The following ZFPM1 variants were observed in gnomAD, a reference collection of about 807,000 sequenced individuals.
ZFPM1 encodes the protein zinc finger protein ZFPM1.
ZFPM1 carries 28 observed loss-of-function variants against 46.3 expected under a neutral mutation model. The observed-to-expected ratio is 0.60, with a 90% CI of 0.45 to 0.83. The LOEUF (loss-of-function observed/expected upper bound fraction) is 0.83. ZFPM1 is among the 40% of genes least tolerant of loss of function. ZFPM1 has a pLI of 0.00. For synonymous variants in ZFPM1, 957 were observed against 675.9 expected (o/e 1.42, Z -6.45); for missense variants, 1,878 against 1,432.4 (o/e 1.31, Z -5.02).
At chr16:88,486,221 G>A (rs902492844) in intron 2 of ZFPM1, among the ~76,000 whole-genome samples, 178 bp downstream of exon 2, 8 of 152,216 alleles carry the variant, frequency 5.3e-5, no homozygotes, top group African/African-American at 1.2e-4. Context: ...GGGGCTGGGG[G>A]GTCTCCAGGA....
chr16:88,493,329 G>T (rs1329144268), intron 3 of ZFPM1, among the ~76,000 whole-genome samples: 1 of 144,060 alleles, frequency 6.9e-6, no homozygotes, highest in Non-Finnish European at 1.5e-5. Flanking sequence ...GTGGGAAATT[G>T]TCCCGGGGTG....
chr16:88,482,517 T>C (rs1050173712), intron 1 of ZFPM1, among the ~76,000 whole-genome samples: 1 of 152,110 alleles, frequency 6.6e-6, no homozygotes, highest in East Asian at 1.9e-4. Flanking sequence ...CTTGTGTAAA[T>C]AGGAGAACCC....
chr16:88,487,364 C>A (rs1230274830), intron 2 of ZFPM1, among the ~76,000 whole-genome samples: 1 of 152,220 alleles, frequency 6.6e-6, no homozygotes, highest in Non-Finnish European at 1.5e-5. Flanking sequence ...CTGTGAATTA[C>A]CCCCACTCCA....
rs968776163 is a variant in ZFPM1 at position 88,469,852 on chromosome 16, C to G, written c.41-16087C>G. Among the ~76,000 whole-genome samples, 2 of 152,072 alleles carry G rather than the reference C, an allele frequency of 1.3e-5. No individual in the cohort carries two copies. The highest frequency in any genetic ancestry group is 4.8e-5 in the African/African-American group (2 of 41,404). On this transcript the variant is annotated intron_variant, in intron 1 of 9. Coordinates refer to ENST00000319555, the MANE Select transcript of ZFPM1 (RefSeq NM_153813.3). This position sits in a 1 kb window ranked among gnomAD's most constrained non-coding sequence, Gnocchi z 4.3. The stretch of plus-strand genomic sequence containing the variant: ...CATCACCTTGGCCAGGGCCCCACCC[C>G]CTAACGTGGGGTGCAGTGCCTCTCA...
chr16:88,511,506 T>TC (rs1910960325), intron 3 of ZFPM1, among the ~76,000 whole-genome samples: 1 of 151,902 alleles, frequency 6.6e-6, no homozygotes, highest in Admixed American at 6.6e-5. Context: ...CAGCTCAGCA[T>TC]CCCCCGGCCC....
intron 1 of ZFPM1, among the ~76,000 whole-genome samples, chr16:88,455,135 GTGTGTGTGTGT>G (rs1567523273): frequency 0.023 from 1,128 of 49,828 alleles, 16 homozygotes; most frequent in African/African-American, 0.073. Context: ...GTTCTGGGGT[GTGTGTGTGTGT>G]GTGTGTGTGT....
intron 1 of ZFPM1, among the ~76,000 whole-genome samples, chr16:88,468,013 G>A (rs971049021): frequency 3.4e-4 from 14 of 40,820 alleles, no homozygotes; most frequent in South Asian, 2.2e-3. Flanking sequence ...GCCCCCCACC[G>A]CCCCTCACAC....
intron 3 of ZFPM1, among the ~76,000 whole-genome samples, chr16:88,498,188 G>C (rs1910048604): frequency 7.2e-6 from 1 of 137,976 alleles, no homozygotes; most frequent in Non-Finnish European, 1.6e-5. Context: ...GGACCCACCT[G>C]GGGGGTCCCC....
At chr16:88,503,690 G>A (rs1255702473) in intron 3 of ZFPM1, among the ~76,000 whole-genome samples, 1 of 152,186 alleles carries the variant, frequency 6.6e-6, no homozygotes, top group Non-Finnish European at 1.5e-5. Context: ...AAAATCACAC[G>A]TGACTTTTAG....
intron 1 of ZFPM1, among the ~76,000 whole-genome samples, chr16:88,461,269 G>A (rs998388291): frequency 1.5e-4 from 23 of 150,448 alleles, no homozygotes; most frequent in African/African-American, 4.9e-4. Context: ...GAGGACCGAC[G>A]GGTGCGAGGC....
chr16:88,514,279 GC>G, intron 3 of ZFPM1, 107 bp from the exon 4 acceptor site: 1 of 1,494,780 alleles, frequency 6.7e-7, no homozygotes, highest in Non-Finnish European at 8.9e-7. Flanking sequence ...TTCACCCCAG[GC>G]CCCCAGGACT....
chr16:88,486,683 A>C (rs917889900), intron 2 of ZFPM1, among the ~76,000 whole-genome samples: 1 of 148,804 alleles, frequency 6.7e-6, no homozygotes, highest in African/African-American at 2.5e-5. Context: ...TGCTAGGTAC[A>C]CAGTGGGTGC....
At chr16:88,489,207 G>C in intron 3 of ZFPM1, 54 bp downstream of exon 3, 1 of 1,536,396 alleles carries the variant, frequency 6.5e-7, no homozygotes, top group Non-Finnish European at 8.8e-7. Context: ...AGCCTGGCCC[G>C]GCCCCTGGGA....
chr16:88,489,297 T>C, intron 3 of ZFPM1, 144 bp downstream of exon 3: 1 of 1,294,602 alleles, frequency 7.7e-7, no homozygotes, highest in Non-Finnish European at 1.0e-6. Context: ...AGTCCAAAGC[T>C]CAGCCAACCC....
chr16:88,493,463 GGAGCTGTCCCGGGGTGGGGA>G (rs1567537687), intron 3 of ZFPM1, among the ~76,000 whole-genome samples: 6 of 104,940 alleles, frequency 5.7e-5, no homozygotes, highest in African/African-American at 2.5e-4. Context: ...CGGGCTGCGG[GGAGCTGTCCCGGGGTGGGGA>G]GAGCTGTCCC....
chr16:88,457,637 CTT>C (rs1039873898), intron 1 of ZFPM1, among the ~76,000 whole-genome samples: 3 of 150,246 alleles, frequency 2.0e-5, no homozygotes, highest in African/African-American at 4.9e-5. Flanking sequence ...CTTTCTCTCT[CTT>C]TTTTTTTTCC....
chr16:88,464,546 T>C (rs1908043662), intron 1 of ZFPM1, among the ~76,000 whole-genome samples: 1 of 151,196 alleles, frequency 6.6e-6, no homozygotes, highest in African/African-American at 2.5e-5. Context: ...CCATTGCTCA[T>C]AGGCCCACAC....
At chr16:88,464,983 G>T (rs1227052247) in intron 1 of ZFPM1, among the ~76,000 whole-genome samples, 1 of 149,944 alleles carries the variant, frequency 6.7e-6, no homozygotes, top group East Asian at 2.0e-4. Context: ...TGATTAAAGT[G>T]TCTGGATTTC....
rs1597249914 is a variant in ZFPM1, at chr16:88,494,514, C to T, written c.268+5361C>T. Among the ~76,000 whole-genome samples the T allele has an allele frequency of 2.0e-5, 3 of 152,240 alleles. 1 individual carries two copies. The highest frequency in any genetic ancestry group is 7.2e-5 in the African/African-American group (3 of 41,526). On this transcript the variant is annotated intron_variant, in intron 3 of 9. Transcript: ENST00000319555. The stretch of plus-strand genomic sequence containing the variant: ...CCAATCACAACACACCAAACCCCGC[C>T]GTCACCACCCACAGCAAACCCAGGA...
Sources: gnomAD v4.1 joint callset for allele counts (sites outside exome capture counted in the v4.1 genomes callset) on GRCh38, gnomAD v4.1.1 for gene constraint, Gnocchi (gnomAD v3.1) non-coding constraint, MANE v1.5 for transcripts, NCBI Gene and HGNC (gene_info 2026-07-23, HGNC 2026-07-21) for gene names.